The following LMBRD1 variants were observed in gnomAD, a reference collection of about 807,000 sequenced individuals.
LMBRD1 encodes the protein lysosomal cobalamin transport escort protein LMBD1.
A neutral mutation model predicts 74.8 loss-of-function variants in LMBRD1; 64 were observed. The observed-to-expected ratio is 0.86, with a 90% CI of 0.70 to 1.05. The LOEUF (loss-of-function observed/expected upper bound fraction) is 1.05, where lower values mean the gene tolerates loss of function less well. Among genes scored for constraint, LMBRD1 ranks in the 50% least tolerant of loss-of-function variants. LMBRD1 has a pLI of 0.00. For missense variants in LMBRD1, 652 were observed against 645.9 expected (o/e 1.01, Z -0.10); for synonymous variants, 204 against 216.3 (o/e 0.94, Z 0.50).
At chr6:69,782,079 G>C (rs537717178) in intron 2 of LMBRD1, among the ~76,000 whole-genome samples, 1 of 152,194 alleles carries the variant, frequency 6.6e-6, no homozygotes, top group Non-Finnish European at 1.5e-5. Flanking sequence ...CCAAAATGTG[G>C]AGGGAAAGCC....
intron 3 of LMBRD1, 26 bp downstream of exon 3, chr6:69,780,468 A>AG: frequency 1.3e-6 from 2 of 1,563,146 alleles, no homozygotes; most frequent in Non-Finnish European, 1.8e-6. Context: ...CAGTCCAAAT[A>AG]GGGAAAGAAA....
chr6:69,698,814 G>A (rs74633156), intron 13 of LMBRD1, among the ~76,000 whole-genome samples: 1 of 151,556 alleles, frequency 6.6e-6, no homozygotes, highest in East Asian at 1.9e-4. Flanking sequence ...AGCACCATGG[G>A]ACCCATTTAA....
At chr6:69,748,148 A>G (rs1002450352) in intron 5 of LMBRD1, among the ~76,000 whole-genome samples, 1 of 152,226 alleles carries the variant, frequency 6.6e-6, no homozygotes, top group East Asian at 1.9e-4. Context: ...TTCTTTGTTT[A>G]TGTATTGTCT....
At chr6:69,756,232 A>G (rs1395339773) in intron 3 of LMBRD1, among the ~76,000 whole-genome samples, 2 of 152,036 alleles carry the variant, frequency 1.3e-5, no homozygotes, top group South Asian at 2.1e-4. Flanking sequence ...GCATGGTGGC[A>G]AGCACCCGTA....
intron 3 of LMBRD1, among the ~76,000 whole-genome samples, chr6:69,752,568 T>G (rs1765182204): frequency 1.3e-5 from 2 of 152,182 alleles, no homozygotes; most frequent in South Asian, 4.1e-4. Context: ...TAACAACCCA[T>G]AATTCAAGTT....
At chr6:69,782,023 T>C (rs528523546) in intron 2 of LMBRD1, among the ~76,000 whole-genome samples, 3 of 152,314 alleles carry the variant, frequency 2.0e-5, no homozygotes, top group African/African-American at 4.8e-5. Flanking sequence ...TATATAACCT[T>C]TCACCTACCT....
intron 7 of LMBRD1, among the ~76,000 whole-genome samples, chr6:69,733,289 T>G (rs1415170795): frequency 1.3e-5 from 2 of 152,190 alleles, no homozygotes; most frequent in African/African-American, 4.8e-5. Context: ...CTCATGCATA[T>G]TTTCTATACC....
At chr6:69,702,267 A>G (rs1766149443) in intron 9 of LMBRD1, among the ~76,000 whole-genome samples, 1 of 145,482 alleles carries the variant, frequency 6.9e-6, no homozygotes, top group East Asian at 2.1e-4. Flanking sequence ...ACTGAAAAGT[A>G]CATTATGACT....
Position 69,745,335 on chromosome 6 carries a change from T to C in LMBRD1, c.474-3458A>G, listed in dbSNP as rs562088972. Among the ~76,000 whole-genome samples, 12 of 149,568 alleles carry C rather than the reference T, an allele frequency of 8.0e-5. No homozygotes were observed. In the South Asian group the frequency reaches 1.5e-3, roughly 19 times the overall value. ...CTGCAGTGGCGCAATCTCGGCTCAC[T>C]GCAAGCTCCGCTTCCCGGGTTCACG... On this transcript the variant is annotated intron_variant, in intron 5 of 15. Transcript: ENST00000649934.
At chr6:69,769,605 G>GT (rs1765537178) in intron 3 of LMBRD1, among the ~76,000 whole-genome samples, 1 of 151,976 alleles carries the variant, frequency 6.6e-6, no homozygotes, top group Non-Finnish European at 1.5e-5. Flanking sequence ...TAGCAACTCT[G>GT]TATTACGCTT....
intron 14 of LMBRD1, among the ~76,000 whole-genome samples, chr6:69,687,753 T>C (rs1039269259): frequency 1.3e-5 from 2 of 152,102 alleles, no homozygotes; most frequent in Non-Finnish European, 2.9e-5. Flanking sequence ...TCTAGTAGAG[T>C]TGATGACTTA....
chr6:69,748,685 AAT>A (rs1282182847), intron 5 of LMBRD1, among the ~76,000 whole-genome samples: 2 of 152,096 alleles, frequency 1.3e-5, no homozygotes, highest in African/African-American at 4.8e-5. Flanking sequence ...TAACATAAAA[AAT>A]GAGACTAATG....
chr6:69,753,866 G>T (rs1765216391), intron 3 of LMBRD1, among the ~76,000 whole-genome samples: 3 of 151,950 alleles, frequency 2.0e-5, no homozygotes, highest in South Asian at 4.1e-4. Flanking sequence ...GCGTGAACCT[G>T]GGAGGCAGAG....
At chr6:69,733,049 T>A (rs1766896027) in intron 7 of LMBRD1, among the ~76,000 whole-genome samples, 1 of 152,100 alleles carries the variant, frequency 6.6e-6, no homozygotes, top group African/African-American at 2.4e-5. Context: ...CAGTAAAATT[T>A]AAATAATCAA....
intron 5 of LMBRD1, among the ~76,000 whole-genome samples, chr6:69,749,020 C>T (rs1446241450): frequency 6.6e-6 from 1 of 151,958 alleles, no homozygotes; most frequent in Non-Finnish European, 1.5e-5. Flanking sequence ...TACTATCCTG[C>T]AGAGATGCCC....
At chr6:69,710,563 A>G (rs1024402477) in intron 9 of LMBRD1, among the ~76,000 whole-genome samples, 1 of 152,172 alleles carries the variant, frequency 6.6e-6, no homozygotes, top group South Asian at 2.1e-4. Context: ...GCCACGAACT[A>G]GGAGACGATA....
chr6:69,738,259 T>G (rs1374904283), intron 6 of LMBRD1, among the ~76,000 whole-genome samples: 1 of 152,042 alleles, frequency 6.6e-6, no homozygotes, highest in Non-Finnish European at 1.5e-5. Flanking sequence ...CGTCTTAAAA[T>G]TAAGAGGAAA....
At chr6:69,690,961 AT>A (rs1465338685) in intron 14 of LMBRD1, among the ~76,000 whole-genome samples, 4 of 152,244 alleles carry the variant, frequency 2.6e-5, no homozygotes. Flanking sequence ...ATGATACTTT[AT>A]TGCATATTAT....
chr6:69,768,244 T>C (rs1765508860), intron 3 of LMBRD1, among the ~76,000 whole-genome samples: 2 of 151,976 alleles, frequency 1.3e-5, no homozygotes, highest in Non-Finnish European at 2.9e-5. Flanking sequence ...GTCTTTTTTG[T>C]TGTTCCAGGC....
Sources: allele counts gnomAD v4.1 joint callset (sites outside exome capture counted in the v4.1 genomes callset), GRCh38; gene constraint gnomAD v4.1.1; transcripts MANE v1.5; gene names NCBI Gene and HGNC (gene_info 2026-07-23, HGNC 2026-07-21).